The following SLC39A14 variants were observed in gnomAD, a reference collection of about 807,000 sequenced individuals.
SLC39A14 encodes solute carrier family 39 member 14.
SLC39A14 carries 19 observed loss-of-function variants against 45.5 expected under a neutral mutation model. The ratio of observed to expected loss-of-function variants is 0.42; its 90% CI spans 0.29 to 0.61. SLC39A14 has a LOEUF of 0.61. Ranked by LOEUF, SLC39A14 falls within the 20% of genes least tolerant of loss-of-function variation. SLC39A14 has a pLI of 0.22. For synonymous variants in SLC39A14, 264 were observed against 251.3 expected, an observed-to-expected ratio of 1.05 and a Z score of -0.48; for missense variants, 447 against 616.5, an observed-to-expected ratio of 0.73 and a Z score of 2.91.
chr8:22,425,786 C>T (rs532619540), downstream of SLC39A14, among the ~76,000 whole-genome samples: 6 of 132,450 alleles, frequency 4.5e-5, no homozygotes, highest in East Asian at 1.8e-3. Context: ...GGGTCAGATT[C>T]CAAGATGGTA....
chr8:22,374,247 G>A (rs1833090135), intron 1 of SLC39A14, among the ~76,000 whole-genome samples: 1 of 152,188 alleles, frequency 6.6e-6, no homozygotes, highest in Non-Finnish European at 1.5e-5. Flanking sequence ...AGGGACTGGA[G>A]ACCTGGGGTC....
Position 22,404,933 on chromosome 8 carries a change from C to A in SLC39A14, c.223C>A (p.Arg75=). 6.2e-7 allele frequency: 1 copy of A among 1,614,124 alleles called. No individual in the cohort carries two copies. The highest frequency in any genetic ancestry group is 8.5e-7 in the Non-Finnish European group (1 of 1,180,006). The change falls in exon 2 of 9, where the codon CGG becomes AGG. Residue 75 remains arginine (R), a synonymous_variant. Coordinates refer to ENST00000381237, the MANE Select transcript of SLC39A14 (RefSeq NM_001128431.4). The part of the protein sequence containing the change: ...LLNHLDVGVG[R]GNVTQHVQGH... Reference sequence around the variant, plus strand: ...CAACCACCTGGATGTGGGAGTGGGCCGGGGTAATGTCACCCAGCACGTGCA... The same window carrying A: ...CAACCACCTGGATGTGGGAGTGGGCAGGGGTAATGTCACCCAGCACGTGCA...
intron 3 of SLC39A14, among the ~76,000 whole-genome samples, chr8:22,410,434 A>G (rs1289813193): frequency 6.6e-6 from 1 of 152,192 alleles, no homozygotes; most frequent in Non-Finnish European, 1.5e-5. Flanking sequence ...ACTGCCGTCC[A>G]TGCCTTTGGT....
In SLC39A14 at chr8:22,417,847, A is replaced by G; in HGVS notation, c.1332+12A>G. 1 of 1,610,494 alleles carries G rather than the reference A, an allele frequency of 6.2e-7. No homozygotes were observed. ...CTCTGGCTGATATGGTAAGTGTTCC[A>G]CAGTTCACTGGATGAGAGGGCGGCT... is the stretch of plus-strand genomic sequence containing the variant. On this transcript the variant is annotated intron_variant, in intron 8 of 8. Transcript: ENST00000381237.
At chr8:22,412,292 C>G (rs1344702059) in intron 4 of SLC39A14, 86 bp downstream of exon 4, 1 of 1,356,456 alleles carries the variant, frequency 7.4e-7, no homozygotes, top group East Asian at 2.5e-5. Context: ...ATAGAGAGGG[C>G]ACCTGGAGGC....
chr8:22,432,595 C>T (rs765015470), intron 8 of SLC39A14, among the ~76,000 whole-genome samples: 6 of 151,680 alleles, frequency 4.0e-5, no homozygotes, highest in East Asian at 1.9e-4. Flanking sequence ...CCTCCTACCT[C>T]GGCCTCCCGA....
intron 1 of SLC39A14, among the ~76,000 whole-genome samples, chr8:22,378,707 G>A (rs1194928646): frequency 1.3e-5 from 2 of 152,204 alleles, no homozygotes; most frequent in African/African-American, 4.8e-5. Context: ...AACTGATGTG[G>A]TCAGCAAATA....
chr8:22,405,345 T>C (rs1323425046), intron 2 of SLC39A14, among the ~76,000 whole-genome samples: 2 of 152,078 alleles, frequency 1.3e-5, no homozygotes, highest in Non-Finnish European at 2.9e-5. Context: ...AAACCCCAAC[T>C]CTACTAGAAA....
chr8:22,372,642 A>G (rs1427093094), intron 1 of SLC39A14, among the ~76,000 whole-genome samples: 1 of 152,220 alleles, frequency 6.6e-6, no homozygotes, highest in Non-Finnish European at 1.5e-5. Flanking sequence ...TACTGCTTTT[A>G]TGTACATACC....
intron 1 of SLC39A14, among the ~76,000 whole-genome samples, chr8:22,383,639 T>TGGCCC (rs1833632942): frequency 1.3e-5 from 2 of 152,094 alleles, no homozygotes; most frequent in Non-Finnish European, 2.9e-5. Flanking sequence ...CGTGCTGGCC[T>TGGCCC]GCAGGGAGGC....
At chr8:22,433,639 A>T (rs780671284) in intron 8 of SLC39A14, among the ~76,000 whole-genome samples, 2 of 147,202 alleles carry the variant, frequency 1.4e-5, no homozygotes, top group African/African-American at 2.5e-5. Context: ...AACCTCAGAG[A>T]CCGCCCACCT....
chr8:22,374,351 G>A (rs1833094983), intron 1 of SLC39A14, among the ~76,000 whole-genome samples: 1 of 152,180 alleles, frequency 6.6e-6, no homozygotes, highest in Non-Finnish European at 1.5e-5. Context: ...CTATGCATGT[G>A]TGGAAAGTCA....
chr8:22,383,601 G>A (rs902363508), intron 1 of SLC39A14, among the ~76,000 whole-genome samples: 10 of 152,174 alleles, frequency 6.6e-5, no homozygotes, highest in Admixed American at 2.0e-4. Flanking sequence ...AGAGCACAGC[G>A]TACTTGAGGC....
chr8:22,422,998 A>G (rs552177147), downstream of SLC39A14, among the ~76,000 whole-genome samples: 8 of 151,268 alleles, frequency 5.3e-5, no homozygotes, highest in East Asian at 1.4e-3. Context: ...TAAATTTTGT[A>G]TTTTTAGTAG....
At chr8:22,426,488 C>T (rs1293308016), downstream of SLC39A14, among the ~76,000 whole-genome samples, 1 of 152,154 alleles carries the variant, frequency 6.6e-6, no homozygotes, top group Non-Finnish European at 1.5e-5. Flanking sequence ...CCATTGCACC[C>T]AGACTCTCTA....
chr8:22,401,060 T>G (rs1343961138), intron 1 of SLC39A14, among the ~76,000 whole-genome samples: 1 of 152,198 alleles, frequency 6.6e-6, no homozygotes, highest in Non-Finnish European at 1.5e-5. Context: ...AGAGGGAGAC[T>G]GGGTTGCTTG....
In SLC39A14 at chr8:22,417,721, C is replaced by G. The variant is rs372500368; in HGVS notation, c.1218C>G (p.Ala406=). 6.2e-7 allele frequency: 1 copy of G among 1,614,090 alleles called. No individual in the cohort carries two copies. The highest frequency in any genetic ancestry group is 8.5e-7 in the Non-Finnish European group (1 of 1,179,960). The change falls in exon 8 of 9, where the codon GCC becomes GCG. Residue 406 remains alanine, a synonymous_variant. Transcript: ENST00000381237. ...QQALFFNFLS[A]CCCYLGLAFG... ...CTCTCTTCTTCAACTTCCTTTCTGCCTGCTGCTGCTACCTGGGTCTGGCCT... is the reference window on the plus strand; with the variant it reads ...CTCTCTTCTTCAACTTCCTTTCTGCGTGCTGCTGCTACCTGGGTCTGGCCT...
chr8:22,379,747 G>C (rs578055287), intron 1 of SLC39A14, among the ~76,000 whole-genome samples: 1 of 152,038 alleles, frequency 6.6e-6, no homozygotes, highest in Non-Finnish European at 1.5e-5. Context: ...CGGCCAACAT[G>C]GTGAAACCCC....
chr8:22,403,037 C>T (rs1834974134), intron 1 of SLC39A14, among the ~76,000 whole-genome samples: 1 of 152,084 alleles, frequency 6.6e-6, no homozygotes, highest in Non-Finnish European at 1.5e-5. Flanking sequence ...AGTGCAGTGG[C>T]ACAATCTTGG....
Sources: allele counts gnomAD v4.1 joint callset (sites outside exome capture counted in the v4.1 genomes callset), GRCh38; gene constraint gnomAD v4.1.1; transcripts MANE v1.5; gene names NCBI Gene and HGNC (gene_info 2026-07-23, HGNC 2026-07-21).